The following SCAF11 variants were observed in gnomAD, a reference collection of about 807,000 sequenced individuals.
SCAF11 encodes the protein SR-related CTD associated factor 11.
A neutral mutation model predicts 140.5 loss-of-function variants in SCAF11; 47 were observed. That is an observed-to-expected ratio of 0.33 (90% confidence interval 0.26 to 0.43). The LOEUF is 0.43. Among genes scored for constraint, SCAF11 ranks in the 20% least tolerant of loss-of-function variants. SCAF11 has a pLI of 1.00. For missense variants in SCAF11, 1,645 were observed against 1,705.1 expected (o/e 0.96, Z 0.62); for synonymous variants, 557 against 579.4 (o/e 0.96, Z 0.55).
chr12:45,930,322 A>G (rs1373885397), intron 10 of SCAF11, among the ~76,000 whole-genome samples: 1 of 152,236 alleles, frequency 6.6e-6, no homozygotes, highest in African/African-American at 2.4e-5. Flanking sequence ...GTATTGCACT[A>G]AACACTATGA....
intron 6 of SCAF11, among the ~76,000 whole-genome samples, chr12:45,943,951 C>T (rs1414387158): frequency 6.6e-6 from 1 of 152,078 alleles, no homozygotes; most frequent in Admixed American, 6.6e-5. Flanking sequence ...ATCATAGATG[C>T]TTATAAATGA....
At chr12:45,983,478 T>C (rs2136667425) in intron 1 of SCAF11, among the ~76,000 whole-genome samples, 1 of 152,128 alleles carries the variant, frequency 6.6e-6, no homozygotes, top group East Asian at 1.9e-4. Context: ...CAGAACACGA[T>C]ACATTTAAAA....
intron 10 of SCAF11, among the ~76,000 whole-genome samples, chr12:45,930,451 T>G (rs998090815): frequency 6.7e-6 from 1 of 148,922 alleles, no homozygotes; most frequent in African/African-American, 2.5e-5. Flanking sequence ...TTTTGTTTTT[T>G]TTTTGTTTTT....
intron 9 of SCAF11, among the ~76,000 whole-genome samples, chr12:45,932,762 G>A (rs983801484): frequency 5.9e-5 from 9 of 152,044 alleles, no homozygotes; most frequent in African/African-American, 2.2e-4. Context: ...ACATTTTTGA[G>A]GAGAGGAATA....
chr12:45,984,462 T>C (rs1323301486), intron 1 of SCAF11, among the ~76,000 whole-genome samples: 2 of 152,236 alleles, frequency 1.3e-5, no homozygotes, highest in Admixed American at 1.3e-4. Context: ...TTACTGATGA[T>C]GTGCACTTTG....
chr12:45,953,384 A>C (rs1945596136), intron 3 of SCAF11, among the ~76,000 whole-genome samples: 1 of 152,204 alleles, frequency 6.6e-6, no homozygotes, highest in Non-Finnish European at 1.5e-5. Context: ...AAAATATTTA[A>C]AAGTTGAAAT....
chr12:45,945,888 C>T (rs1945412138), intron 5 of SCAF11, among the ~76,000 whole-genome samples: 1 of 151,878 alleles, frequency 6.6e-6, no homozygotes, highest in Non-Finnish European at 1.5e-5. Context: ...CACGAGGTCT[C>T]ACTATGTTGC....
At chr12:45,968,364 T>C (rs1332361131) in intron 1 of SCAF11, among the ~76,000 whole-genome samples, 3 of 152,182 alleles carry the variant, frequency 2.0e-5, no homozygotes, top group African/African-American at 7.2e-5. Context: ...AATATAATGA[T>C]CTAACATACT....
At chr12:45,974,194 T>C (rs769579029) in intron 1 of SCAF11, 5 of 470,810 alleles carry the variant, frequency 1.1e-5, no homozygotes, top group Non-Finnish European at 1.3e-5. Flanking sequence ...AAATACCTTA[T>C]TGCTAAAAAT....
chr12:45,972,135 T>C (rs1346928606), intron 1 of SCAF11, among the ~76,000 whole-genome samples: 3 of 152,152 alleles, frequency 2.0e-5, no homozygotes, highest in African/African-American at 7.2e-5. Context: ...TCCACACATG[T>C]CACAGACTGG....
intron 6 of SCAF11, among the ~76,000 whole-genome samples, chr12:45,936,978 A>G (rs971235136): frequency 6.6e-6 from 1 of 151,954 alleles, no homozygotes; most frequent in African/African-American, 2.4e-5. Flanking sequence ...CCAATCCTCT[A>G]TGTGGTCTGT....
At chr12:45,940,212 A>T (rs181019829) in intron 6 of SCAF11, among the ~76,000 whole-genome samples, 3 of 152,250 alleles carry the variant, frequency 2.0e-5, no homozygotes, top group African/African-American at 7.2e-5. Context: ...TTCTAATCTT[A>T]CAGCTATGAT....
rs769738722 is a variant in SCAF11 at position 45,926,636 on chromosome 12, T to C, written c.3065A>G (p.Asn1022Ser). Residue 1022 changes from asparagine to serine, a missense_variant, in exon 11 of 15, where the codon AAT becomes AGT. Asn to Ser is a conservative substitution (Grantham distance 46). Coordinates refer to ENST00000369367, the MANE Select transcript of SCAF11 (RefSeq NM_004719.3). ...AGAGTTTATTTTTTCTGTTATCCAA[T>C]TGGGACAGTCATTTCTATGTTTGTC... The part of the protein sequence containing the change: ...SADKHRNDCP[N>S]WITEKINSGP... 6.2e-6 allele frequency: 10 copies of C among 1,613,934 alleles called. No homozygotes were observed. The highest frequency in any genetic ancestry group is 2.2e-5 in the South Asian group (2 of 91,088).
At chr12:45,938,178 T>C (rs1374540055) in intron 6 of SCAF11, among the ~76,000 whole-genome samples, 1 of 152,194 alleles carries the variant, frequency 6.6e-6, no homozygotes, top group Non-Finnish European at 1.5e-5. Context: ...CTTTGTGGCT[T>C]AAACTTTGTG....
In SCAF11 at chr12:45,922,179, T is replaced by C; in HGVS notation, c.4261A>G (p.Ser1421Gly). The change falls in exon 15 of 15, where the codon AGT becomes GGT. Residue 1421 changes from serine (S) to glycine (G), a missense_variant. Ser to Gly is a moderately conservative substitution (Grantham distance 56). Coordinates refer to ENST00000369367, the MANE Select transcript of SCAF11 (RefSeq NM_004719.3). ...ACTTTAGTAGAATTTACTTCTCCAC[T>C]CTTACTATGACAAACCTAAGAAAAA... ...KAVDKVCHSKSGEVNSTKVAN... is the reference protein window; with the variant it reads ...KAVDKVCHSKGGEVNSTKVAN... The C allele has an allele frequency of 6.2e-7, 1 of 1,610,320 alleles. No homozygotes were observed. Among genetic ancestry groups the C allele is most frequent in the Non-Finnish European group, 8.5e-7 (1 of 1,179,082 alleles).
intron 3 of SCAF11, among the ~76,000 whole-genome samples, chr12:45,956,395 T>C (rs1171010079): frequency 6.6e-6 from 1 of 152,216 alleles, no homozygotes; most frequent in Non-Finnish European, 1.5e-5. Context: ...TAATGCTTAT[T>C]TTAAAGCTAT....
rs1349329321 is a variant in SCAF11, at chr12:45,990,507, G to A, written c.-176C>T. 6 of 1,229,818 alleles carry A rather than the reference G, an allele frequency of 4.9e-6. No homozygotes were observed. Among genetic ancestry groups the A allele is most frequent in the Admixed American group, 4.2e-5 (1 of 23,618 alleles). 76.2% of individuals were successfully genotyped at this position (1,229,818 alleles called of 1,614,324 possible). ...GACACTGACTCCGCTGGCTCGGTCC[G>A]GAGGCGGCGGCGAAGCAGGGAGCGA... is the stretch of plus-strand genomic sequence containing the variant. On this transcript the variant is annotated 5_prime_UTR_variant, in exon 1 of 15. Transcript: ENST00000369367.
intron 11 of SCAF11, among the ~76,000 whole-genome samples, chr12:45,925,855 G>T (rs1429370438): frequency 6.6e-6 from 1 of 152,078 alleles, no homozygotes; most frequent in Non-Finnish European, 1.5e-5. Context: ...CAAATTAGAG[G>T]TTAAATCCTG....
rs576068200 is a variant in SCAF11 at position 45,975,530 on chromosome 12, C to A, written c.-21-11342G>T. On this transcript the variant is annotated intron_variant, in intron 1 of 14. Transcript: ENST00000369367. ...TATGGAGATGGCTTCTTTCCTTAAA[C>A]TTCATGAACCAACCTCTGCTAGCTT... 7.0e-4 allele frequency: 133 copies of A among 189,654 alleles called. 1 individual carries two copies. The highest frequency in any genetic ancestry group is 1.2e-3 in the Non-Finnish European group (111 of 95,798). The allele number at this position is 189,654 out of a possible 1,614,324, so 11.7% of individuals were successfully genotyped here. A position where few individuals can be genotyped will look rare whatever the true frequency, so the allele number is the denominator to read the frequency against.
Sources: gnomAD v4.1 joint callset for allele counts (sites outside exome capture counted in the v4.1 genomes callset) on GRCh38, gnomAD v4.1.1 for gene constraint, MANE v1.5 for transcripts, NCBI Gene and HGNC (gene_info 2026-07-23, HGNC 2026-07-21) for gene names.